The following PDE4D variants were observed in gnomAD, a reference collection of about 807,000 sequenced individuals.
PDE4D encodes the protein phosphodiesterase 4D.
Under a neutral mutation model 87.4 loss-of-function variants are expected in PDE4D, and 24 were observed. That is an observed-to-expected ratio of 0.27 (90% confidence interval 0.20 to 0.39). PDE4D has a LOEUF of 0.39. Ranked by LOEUF, PDE4D falls within the 10% of genes least tolerant of loss-of-function variation. The pLI is 1.00. For synonymous variants in PDE4D, 384 were observed against 383.2 expected (o/e 1.00, Z -0.02); for missense variants, 714 against 1,041.0 (o/e 0.69, Z 4.32).
intron 1 of PDE4D, among the ~76,000 whole-genome samples, chr5:59,502,197 T>C (rs957549795): frequency 6.6e-6 from 1 of 152,128 alleles, no homozygotes; most frequent in African/African-American, 2.4e-5. Context: ...AGCATGAACA[T>C]ATAACTAATA....
chr5:59,425,737 G>T (rs1022082211), intron 1 of PDE4D, among the ~76,000 whole-genome samples: 1 of 152,094 alleles, frequency 6.6e-6, no homozygotes, highest in Non-Finnish European at 1.5e-5. Flanking sequence ...ATTCTTCTCC[G>T]CAATGCCTCC....
chr5:60,427,181 C>T (rs1035353488), intron 1 of PDE4D, among the ~76,000 whole-genome samples: 2 of 152,040 alleles, frequency 1.3e-5, no homozygotes, highest in South Asian at 2.1e-4. Flanking sequence ...CTTTTCAAAA[C>T]GATCAAACAG....
At chr5:60,169,370 T>G (rs1335255382) in intron 2 of PDE4D, among the ~76,000 whole-genome samples, 2 of 152,144 alleles carry the variant, frequency 1.3e-5, no homozygotes, top group African/African-American at 4.8e-5. Context: ...TTGTTTAAAC[T>G]TTCATATATT....
intron 1 of PDE4D, among the ~76,000 whole-genome samples, chr5:59,406,818 A>G (rs929657019): frequency 1.3e-5 from 2 of 152,108 alleles, no homozygotes; most frequent in Non-Finnish European, 2.9e-5. Context: ...ATAACTTGTC[A>G]TCTGTCTAGG....
chr5:59,215,683 T>G (rs577959120), intron 2 of PDE4D, 94 bp downstream of exon 2: 2 of 1,030,846 alleles, frequency 1.9e-6, no homozygotes, highest in Non-Finnish European at 3.0e-6. Flanking sequence ...AGGAGAGTGA[T>G]ACAGTTGAAC....
intron 1 of PDE4D, among the ~76,000 whole-genome samples, chr5:60,315,521 T>C (rs190434636): frequency 0.062 from 9,467 of 152,290 alleles, 351 homozygotes; most frequent in African/African-American, 0.11. Flanking sequence ...TTGGCTTTTG[T>C]TGCCATTGCT....
intron 1 of PDE4D, among the ~76,000 whole-genome samples, chr5:59,711,077 C>G (rs913399799): frequency 2.6e-5 from 4 of 152,138 alleles, no homozygotes; most frequent in Non-Finnish European, 2.9e-5. Flanking sequence ...CTAATAGGAC[C>G]TGCAGAGGAA....
chr5:60,185,358 T>C (rs1784699128), intron 2 of PDE4D, among the ~76,000 whole-genome samples: 1 of 152,156 alleles, frequency 6.6e-6, no homozygotes, highest in Non-Finnish European at 1.5e-5. Flanking sequence ...GCTGAAAGAA[T>C]TCTCATCAAA....
intron 1 of PDE4D, among the ~76,000 whole-genome samples, chr5:59,564,608 G>T (rs1820581599): frequency 6.6e-6 from 1 of 152,174 alleles, no homozygotes; most frequent in Non-Finnish European, 1.5e-5. Context: ...ACAAGCACAG[G>T]TAAAGTGGAA....
At chr5:59,800,668 G>GTA (rs1767021024) in intron 1 of PDE4D, among the ~76,000 whole-genome samples, 1 of 142,448 alleles carries the variant, frequency 7.0e-6, no homozygotes, top group Non-Finnish European at 1.5e-5. Context: ...AGTTGCTATT[G>GTA]TATAGCTGGC....
At chr5:60,035,543 G>A (rs955153488) in intron 2 of PDE4D, among the ~76,000 whole-genome samples, 3 of 152,096 alleles carry the variant, frequency 2.0e-5, no homozygotes, top group Non-Finnish European at 2.9e-5. Context: ...GTTAGGCGGA[G>A]TCTTATTTAA....
At chr5:60,250,899 T>C (rs543937233) in intron 1 of PDE4D, among the ~76,000 whole-genome samples, 6 of 152,038 alleles carry the variant, frequency 3.9e-5, no homozygotes, top group Non-Finnish European at 8.8e-5. Flanking sequence ...TTGCATGTTA[T>C]TGCCCCTGAA....
At chr5:59,849,678 G>A (rs975231445) in intron 1 of PDE4D, among the ~76,000 whole-genome samples, 4 of 151,484 alleles carry the variant, frequency 2.6e-5, no homozygotes, top group Non-Finnish European at 5.9e-5. Flanking sequence ...TTCACAGTTT[G>A]GTGCCTGACG....
chr5:60,497,657 G>A (rs897244239), intron 1 of PDE4D, among the ~76,000 whole-genome samples: 1 of 152,094 alleles, frequency 6.6e-6, no homozygotes, highest in African/African-American at 2.4e-5. Context: ...TCCCACCTTG[G>A]CCTCCCAAAG....
chr5:59,145,519 G>A (rs1011289985), intron 5 of PDE4D, among the ~76,000 whole-genome samples: 1 of 152,178 alleles, frequency 6.6e-6, no homozygotes, highest in African/African-American at 2.4e-5. Flanking sequence ...GATTCCCAAT[G>A]AATGGATTTA....
intron 5 of PDE4D, among the ~76,000 whole-genome samples, chr5:59,106,660 T>C (rs866158789): frequency 1.3e-5 from 2 of 152,194 alleles, no homozygotes; most frequent in African/African-American, 2.4e-5. Context: ...CTCAGGAGGC[T>C]GAGGAAGGAG....
intron 1 of PDE4D, among the ~76,000 whole-genome samples, chr5:60,375,039 G>A (rs1761327596): frequency 6.6e-6 from 1 of 152,138 alleles, no homozygotes; most frequent in Non-Finnish European, 1.5e-5. Flanking sequence ...CTCTGAAGGT[G>A]GGCAACATGG....
intron 1 of PDE4D, among the ~76,000 whole-genome samples, chr5:59,659,106 G>A (rs933149244): frequency 6.6e-5 from 10 of 152,190 alleles, no homozygotes; most frequent in African/African-American, 2.4e-4. Flanking sequence ...CGTCAAAGGA[G>A]ATCCTTATAC....
rs55735827 is a variant in PDE4D at position 60,066,592 on chromosome 5, TATCATCATCATC to T, written c.43-77887_43-77876del. 7.1e-3 allele frequency among the ~76,000 whole-genome samples: 1,060 copies of T among 149,680 alleles called. 9 individuals are homozygous for T. Among genetic ancestry groups the T allele is most frequent in the African/African-American group, 0.017 (699 of 40,740 alleles). On this transcript the variant is annotated intron_variant, in intron 2 of 16. Transcript: ENST00000502484. ...TGTGCAGCTCCTTCCTAAAGCAAAT[TATCATCATCATC>T]ATCATCATCATCATCATCATCATCT...
Sources: allele counts gnomAD v4.1 joint callset (sites outside exome capture counted in the v4.1 genomes callset), GRCh38; gene constraint gnomAD v4.1.1; transcripts MANE v1.5; gene names NCBI Gene and HGNC (gene_info 2026-07-23, HGNC 2026-07-21).